Variants in ITGA9 observed in about 807,000 individuals in gnomAD.
ITGA9 encodes integrin subunit alpha 9, also known as integrin alpha-9.
A neutral mutation model predicts 127.8 loss-of-function variants in ITGA9; 56 were observed. The observed-to-expected ratio is 0.44, with a 90% CI of 0.35 to 0.55. The LOEUF is 0.55. Ranked by LOEUF, ITGA9 falls within the 20% of genes least tolerant of loss-of-function variation. The probability of loss-of-function intolerance (pLI) is 0.00; values close to 1 mark genes in which losing one functional copy is unlikely to be tolerated. For synonymous variants in ITGA9, 508 were observed against 514.5 expected (o/e 0.99, Z 0.17); for missense variants, 1,196 against 1,347.1 (o/e 0.89, Z 1.76).
intron 23 of ITGA9, among the ~76,000 whole-genome samples, chr3:37,757,244 C>A (rs1346275096): frequency 1.3e-5 from 2 of 151,220 alleles, no homozygotes; most frequent in African/African-American, 4.9e-5. Flanking sequence ...GTTTTTTTGT[C>A]CAAAAAAATA....
At chr3:37,792,297 A>G (rs1345488699) in intron 26 of ITGA9, among the ~76,000 whole-genome samples, 1 of 152,240 alleles carries the variant, frequency 6.6e-6, no homozygotes, top group Non-Finnish European at 1.5e-5. Context: ...GATGGGGAAC[A>G]AAAGAGACAT....
intron 16 of ITGA9, among the ~76,000 whole-genome samples, chr3:37,646,171 C>T (rs1195098793): frequency 6.6e-6 from 1 of 152,210 alleles, no homozygotes; most frequent in Non-Finnish European, 1.5e-5. Context: ...CCACCACTGC[C>T]TGTTTTTGTA....
At chr3:37,498,558 C>T (rs1187096930) in intron 5 of ITGA9, among the ~76,000 whole-genome samples, 2 of 152,146 alleles carry the variant, frequency 1.3e-5, no homozygotes, top group Non-Finnish European at 2.9e-5. Context: ...GAACAGAAGA[C>T]CTGCTGAAAT....
chr3:37,668,087 A>T (rs183476751), intron 17 of ITGA9, among the ~76,000 whole-genome samples: 5 of 152,258 alleles, frequency 3.3e-5, no homozygotes, highest in Admixed American at 3.3e-4. Context: ...ACCATACATG[A>T]GCAACAGATA....
chr3:37,612,947 C>G (rs1398186268), intron 15 of ITGA9, among the ~76,000 whole-genome samples: 2 of 150,582 alleles, frequency 1.3e-5, no homozygotes, highest in Non-Finnish European at 3.0e-5. Context: ...TTTGTGGAGA[C>G]CTTGTGCTGT....
rs778444577 is a variant in ITGA9, at chr3:37,539,522, C to T, written c.1529-2903C>T. Among the ~76,000 whole-genome samples the T allele has an allele frequency of 1.6e-3, 236 of 152,222 alleles. 6 individuals are homozygous for T. The highest frequency in any genetic ancestry group is 5.0e-4 in the Non-Finnish European group (34 of 68,044). On this transcript the variant is annotated intron_variant, in intron 14 of 27. Transcript: ENST00000264741. ...ACTCAGGGAAGAGTTGATGTTGCAG[C>T]TCAAGTCTGAAAGCAGTCTAAAAGC...
At chr3:37,716,395 A>T (rs1211909242) in intron 18 of ITGA9, among the ~76,000 whole-genome samples, 3 of 152,022 alleles carry the variant, frequency 2.0e-5, no homozygotes, top group Non-Finnish European at 2.9e-5. Context: ...ACCTGAAAAA[A>T]TTTTCAAAGG....
At chr3:37,587,453 A>G (rs181017827) in intron 15 of ITGA9, among the ~76,000 whole-genome samples, 2 of 152,282 alleles carry the variant, frequency 1.3e-5, no homozygotes, top group Admixed American at 6.5e-5. Context: ...TGTTGAATCA[A>G]TTGTTATCAG....
intron 9 of ITGA9, among the ~76,000 whole-genome samples, chr3:37,515,117 T>C (rs955645278): frequency 1.3e-5 from 2 of 152,164 alleles, no homozygotes; most frequent in Non-Finnish European, 2.9e-5. Context: ...CGCCTACCTT[T>C]TCTCTAACAT....
intron 26 of ITGA9, among the ~76,000 whole-genome samples, chr3:37,788,093 A>G (rs17081021): frequency 0.017 from 2,525 of 152,312 alleles, 58 homozygotes; most frequent in African/African-American, 0.056. Flanking sequence ...CATGCAAACA[A>G]ATTTTCCACT....
chr3:37,533,307 C>T lies in ITGA9; in HGVS notation c.1374-7C>T, dbSNP rs746560352. ...CGACTAAGTCACCTTCCTCTCTTGC[C>T]CTGCAGAGCAAGGCCTGTCATTACG... On this transcript the variant is annotated splice_polypyrimidine_tract_variant and splice_region_variant and intron_variant, in intron 13 of 27. Coordinates refer to ENST00000264741, the MANE Select transcript of ITGA9 (RefSeq NM_002207.3). The T allele has an allele frequency of 6.2e-7, 1 of 1,614,012 alleles. No individual in the cohort carries two copies. The highest frequency in any genetic ancestry group is 1.7e-5 in the Admixed American group (1 of 60,032).
chr3:37,714,181 A>G (rs537256824), intron 18 of ITGA9, among the ~76,000 whole-genome samples: 4 of 152,218 alleles, frequency 2.6e-5, no homozygotes, highest in Non-Finnish European at 4.4e-5. Flanking sequence ...CAGAGGCTTG[A>G]TATCCTCATC....
intron 23 of ITGA9, among the ~76,000 whole-genome samples, chr3:37,757,762 TG>T (rs1696671599): frequency 6.7e-6 from 1 of 150,222 alleles, no homozygotes; most frequent in Non-Finnish European, 1.5e-5. Flanking sequence ...TAGAAAAAAA[TG>T]TAAAAGTAGA....
Position 37,503,284 on chromosome 3 carries a change from T to C in ITGA9, c.719T>C (p.Met240Thr). The change falls in exon 6 of 28, where the codon ATG (methionine) becomes ACG (threonine). Residue 240 changes from methionine (M) to threonine (T), a missense_variant. Transcript: ENST00000264741. Reference sequence around the variant, plus strand: ...TTAAAACTGAACGACGAAGTGATCATGAACAGGCGGTACACCTACCTGGGT... The same window carrying C: ...TTAAAACTGAACGACGAAGTGATCACGAACAGGCGGTACACCTACCTGGGT... ...TYLKLNDEVI[M>T]NRRYTYLGYA... 2 of 1,613,954 alleles carry C rather than the reference T, an allele frequency of 1.2e-6. No homozygotes were observed. Among genetic ancestry groups the C allele is most frequent in the East Asian group, 4.5e-5 (2 of 44,894 alleles).
Position 37,629,641 on chromosome 3 carries a change from C to A in ITGA9, c.1839+305C>A. On this transcript the variant is annotated intron_variant, in intron 16 of 27. Coordinates refer to ENST00000264741, the MANE Select transcript of ITGA9 (RefSeq NM_002207.3). This position sits in a 1 kb window ranked among gnomAD's most constrained non-coding sequence, Gnocchi z 4.5. ...CCCTGAACTTGCCTCTGTTCCTAGA[C>A]TGTTTTCAGAGCTTAGATTGGTGGA... The A allele has an allele frequency of 1.7e-6, 1 of 594,412 alleles. No individual in the cohort carries two copies. The highest frequency in any genetic ancestry group is 2.8e-5 in the East Asian group (1 of 35,826). The allele number at this position is 594,412 out of a possible 1,614,324, so 36.8% of individuals were successfully genotyped here.
chr3:37,467,027 T>C (rs926506663), intron 1 of ITGA9, among the ~76,000 whole-genome samples: 1 of 152,208 alleles, frequency 6.6e-6, no homozygotes, highest in Non-Finnish European at 1.5e-5. Flanking sequence ...ATCAGCCTGG[T>C]AAACAGCCAG....
intron 15 of ITGA9, among the ~76,000 whole-genome samples, chr3:37,621,116 A>G (rs1309791744): frequency 6.6e-6 from 1 of 151,326 alleles, no homozygotes. Context: ...ATGGTAGTGA[A>G]TAAGTCTCAT....
chr3:37,554,605 G>GT (rs1241854147), intron 15 of ITGA9, among the ~76,000 whole-genome samples: 1 of 152,106 alleles, frequency 6.6e-6, no homozygotes, highest in Non-Finnish European at 1.5e-5. Flanking sequence ...GAGACTGAGC[G>GT]TTACCCAGGG....
At chr3:37,635,926 C>A (rs961377251) in intron 16 of ITGA9, among the ~76,000 whole-genome samples, 1 of 151,772 alleles carries the variant, frequency 6.6e-6, no homozygotes, top group African/African-American at 2.4e-5. Context: ...ATGATGGTTT[C>A]CAGTTTCATC....
Sources: allele counts gnomAD v4.1 joint callset (sites outside exome capture counted in the v4.1 genomes callset), GRCh38; gene constraint gnomAD v4.1.1; non-coding constraint Gnocchi (gnomAD v3.1); transcripts MANE v1.5; gene names NCBI Gene and HGNC (gene_info 2026-07-23, HGNC 2026-07-21).